Variants in CACNA2D3 observed in about 807,000 individuals in gnomAD.
CACNA2D3 encodes voltage-dependent calcium channel subunit alpha-2/delta-3.
In CACNA2D3, 60 loss-of-function variants were observed where a neutral mutation model predicts 160.6. That is an observed-to-expected ratio of 0.37 (90% confidence interval 0.30 to 0.46). The LOEUF (loss-of-function observed/expected upper bound fraction) is 0.46, where lower values mean the gene tolerates loss of function less well. CACNA2D3 is among the 20% of genes least tolerant of loss of function. The pLI is 1.00. For missense variants in CACNA2D3, 1,205 were observed against 1,365.0 expected (o/e 0.88, Z 1.85); for synonymous variants, 558 against 492.9 (o/e 1.13, Z -1.75).
At chr3:54,478,418 G>A (rs1700867249) in intron 4 of CACNA2D3, among the ~76,000 whole-genome samples, 1 of 151,730 alleles carries the variant, frequency 6.6e-6, no homozygotes, top group South Asian at 2.1e-4. Context: ...AGATCATGAG[G>A]TCAGGAGATT....
chr3:55,028,396 T>G (rs1417665450), intron 35 of CACNA2D3, among the ~76,000 whole-genome samples: 1 of 152,216 alleles, frequency 6.6e-6, no homozygotes, highest in Non-Finnish European at 1.5e-5. Context: ...CAATAATTTT[T>G]GTCATCCAAT....
intron 13 of CACNA2D3, among the ~76,000 whole-genome samples, chr3:54,765,669 C>G (rs1407938717): frequency 6.6e-6 from 1 of 152,100 alleles, no homozygotes; most frequent in Non-Finnish European, 1.5e-5. Flanking sequence ...GTTTTGTGTA[C>G]AAACCCCAAA....
intron 4 of CACNA2D3, among the ~76,000 whole-genome samples, chr3:54,471,091 A>C (rs1371580375): frequency 6.6e-6 from 1 of 152,212 alleles, no homozygotes; most frequent in Admixed American, 6.5e-5. Context: ...CTCCACCCCA[A>C]ATAAACAGAA....
chr3:55,008,391 A>G (rs138782725), intron 33 of CACNA2D3, among the ~76,000 whole-genome samples: 1 of 152,336 alleles, frequency 6.6e-6, no homozygotes, highest in East Asian at 1.9e-4. Flanking sequence ...TTCAGACTAG[A>G]TATTAGACAC....
chr3:55,038,885 T>G, intron 35 of CACNA2D3, among the ~76,000 whole-genome samples: 1 of 125,076 alleles, frequency 8.0e-6, no homozygotes, highest in African/African-American at 4.4e-5. Context: ...TATATATATA[T>G]ATATATATAT....
chr3:54,350,986 G>GTTTTTTTTTTTTTTTTTTTTTTTTT (rs796392854), intron 3 of CACNA2D3, among the ~76,000 whole-genome samples: 17 of 65,920 alleles, frequency 2.6e-4, no homozygotes, highest in Non-Finnish European at 4.5e-4. Flanking sequence ...TTTTTTGTTT[G>GTTTTTTTTTTTTTTTTTTTTTTTTT]TTTTTTTTTT....
chr3:55,071,038 C>G (rs1189489074), intron 35 of CACNA2D3, among the ~76,000 whole-genome samples: 1 of 152,064 alleles, frequency 6.6e-6, no homozygotes, highest in East Asian at 1.9e-4. Flanking sequence ...ATACTGTGAT[C>G]ATTATGTGAC....
intron 11 of CACNA2D3, among the ~76,000 whole-genome samples, chr3:54,719,717 T>A (rs950263497): frequency 6.6e-6 from 1 of 152,046 alleles, no homozygotes; most frequent in Non-Finnish European, 1.5e-5. Flanking sequence ...TGTGTAAGAT[T>A]GTTACTTCTT....
chr3:54,568,103 A>G (rs1018603567), intron 6 of CACNA2D3, among the ~76,000 whole-genome samples: 1 of 152,204 alleles, frequency 6.6e-6, no homozygotes, highest in African/African-American at 2.4e-5. Context: ...GTCTTGTATC[A>G]GTCTCTGTTC....
intron 2 of CACNA2D3, among the ~76,000 whole-genome samples, chr3:54,211,226 T>C (rs1418080174): frequency 6.6e-6 from 1 of 151,486 alleles, no homozygotes; most frequent in African/African-American, 2.5e-5. Context: ...CAAGCTTTGC[T>C]TTTTTTCCAT....
chr3:54,523,864 T>C (rs1049720977), intron 5 of CACNA2D3, among the ~76,000 whole-genome samples: 7 of 152,154 alleles, frequency 4.6e-5, no homozygotes, highest in African/African-American at 1.7e-4. Context: ...CTCTTTCAGA[T>C]TCTGGTAATT....
chr3:54,954,572 C>G (rs1701834821), intron 27 of CACNA2D3, among the ~76,000 whole-genome samples: 1 of 152,156 alleles, frequency 6.6e-6, no homozygotes, highest in Non-Finnish European at 1.5e-5. Context: ...CTTTCCAGTC[C>G]AAATCATCTT....
chr3:55,031,534 A>T (rs980065591), intron 35 of CACNA2D3, among the ~76,000 whole-genome samples: 2 of 152,206 alleles, frequency 1.3e-5, no homozygotes, highest in African/African-American at 4.8e-5. Flanking sequence ...CCGTATACTC[A>T]AAAAGAAAAT....
chr3:54,260,393 A>G (rs1162003761), intron 2 of CACNA2D3, among the ~76,000 whole-genome samples: 1 of 152,166 alleles, frequency 6.6e-6, no homozygotes, highest in African/African-American at 2.4e-5. Flanking sequence ...AAAGGGCTGC[A>G]TCTGGCAAGG....
At chr3:54,125,629 A>G (rs748589996) in intron 2 of CACNA2D3, among the ~76,000 whole-genome samples, 45 of 152,150 alleles carry the variant, frequency 3.0e-4, no homozygotes, top group African/African-American at 3.9e-4. Context: ...AGAGACTTTC[A>G]TAAGTGGTGG....
intron 35 of CACNA2D3, among the ~76,000 whole-genome samples, chr3:55,045,665 G>A (rs1482425207): frequency 6.6e-6 from 1 of 152,118 alleles, no homozygotes; most frequent in Non-Finnish European, 1.5e-5. Context: ...CTAAGTTATT[G>A]AATTTATGAG....
chr3:54,534,387 A>G (rs1009250065), intron 5 of CACNA2D3, among the ~76,000 whole-genome samples: 2 of 152,180 alleles, frequency 1.3e-5, no homozygotes, highest in Non-Finnish European at 2.9e-5. Context: ...TTCTGATAGA[A>G]GAGCTTCCCT....
chr3:54,580,199 A>C (rs1702651179), intron 8 of CACNA2D3, among the ~76,000 whole-genome samples: 1 of 152,034 alleles, frequency 6.6e-6, no homozygotes, highest in South Asian at 2.1e-4. Context: ...AACGGTGCTA[A>C]GATAACGTGC....
chr3:54,879,967 T>C (rs1416847559), intron 20 of CACNA2D3, among the ~76,000 whole-genome samples: 3 of 152,254 alleles, frequency 2.0e-5, no homozygotes, highest in African/African-American at 4.8e-5. Flanking sequence ...TTCCCACTAC[T>C]ATTAACTTAG....
Sources: gnomAD v4.1 joint callset for allele counts (sites outside exome capture counted in the v4.1 genomes callset) on GRCh38, gnomAD v4.1.1 for gene constraint, MANE v1.5 for transcripts, NCBI Gene and HGNC (gene_info 2026-07-23, HGNC 2026-07-21) for gene names.